The following DACH2 variants were observed in gnomAD, a reference collection of about 807,000 sequenced individuals.
DACH2 encodes the protein dachshund homolog 2.
DACH2 carries 17 observed loss-of-function variants against 35.8 expected under a neutral mutation model. The observed-to-expected ratio is 0.48, with a 90% CI of 0.33 to 0.71. The LOEUF is 0.71. Among genes scored for constraint, DACH2 ranks in the 30% least tolerant of loss-of-function variants. DACH2 has a pLI of 0.02. For missense variants in DACH2, 469 were observed against 472.7 expected (o/e 0.99, Z 0.07); for synonymous variants, 195 against 177.3 (o/e 1.10, Z -0.79).
chrX:86,636,090 G>A (rs1329490072), intron 3 of DACH2, among the ~76,000 whole-genome samples: 4 of 111,172 alleles, frequency 3.6e-5, no homozygotes, highest in Non-Finnish European at 7.5e-5. Flanking sequence ...TAAGTAAAAG[G>A]AACAAAGCTC....
At chrX:86,319,452 T>G (rs2148034629) in intron 1 of DACH2, among the ~76,000 whole-genome samples, 1 of 112,032 alleles carries the variant, frequency 8.9e-6, no homozygotes, top group African/African-American at 3.2e-5. Flanking sequence ...ATGTAAAACC[T>G]GATACGTTGT....
At chrX:86,283,902 A>G (rs914129682) in intron 1 of DACH2, among the ~76,000 whole-genome samples, 5 of 110,870 alleles carry the variant, frequency 4.5e-5, no homozygotes, top group East Asian at 2.8e-4. Flanking sequence ...ACATACACAC[A>G]CACACACATA....
At chrX:86,375,347 GTATAATTATATATAATACATA>G (rs1485823931) in intron 1 of DACH2, among the ~76,000 whole-genome samples, 8 of 98,898 alleles carry the variant, frequency 8.1e-5, no homozygotes, top group African/African-American at 1.8e-4. Context: ...TATTTATATA[GTATAATTATATATAATACATA>G]TATAATTATA....
At chrX:86,396,251 T>C (rs1330299897) in intron 2 of DACH2, among the ~76,000 whole-genome samples, 1 of 107,086 alleles carries the variant, frequency 9.3e-6, no homozygotes, top group African/African-American at 3.4e-5. Flanking sequence ...TTTTTTCTTG[T>C]AAATTTGTTT....
At chrX:86,325,633 A>G (rs1489348994) in intron 1 of DACH2, among the ~76,000 whole-genome samples, 1 of 112,366 alleles carries the variant, frequency 8.9e-6, no homozygotes, top group African/African-American at 3.2e-5. Flanking sequence ...ACTTGATGCA[A>G]TTTTAGTGAG....
intron 1 of DACH2, among the ~76,000 whole-genome samples, chrX:86,315,250 C>T (rs1300727648): frequency 8.9e-6 from 1 of 111,918 alleles, no homozygotes; most frequent in African/African-American, 3.2e-5. Context: ...ACAGACTGCA[C>T]GTTTGTTTAT....
chrX:86,698,547 T>TTTTTTTTTTTTTTTTG (rs1174484010), intron 5 of DACH2, among the ~76,000 whole-genome samples: 1 of 85,040 alleles, frequency 1.2e-5, no homozygotes, highest in Non-Finnish European at 2.3e-5. Flanking sequence ...TTTTTTTTTT[T>TTTTTTTTTTTTTTTTG]TACAGGGTCT....
At chrX:86,286,621 C>A (rs781684529) in intron 1 of DACH2, among the ~76,000 whole-genome samples, 2 of 110,454 alleles carry the variant, frequency 1.8e-5, no homozygotes, top group Non-Finnish European at 3.8e-5. Flanking sequence ...ATTTTGGACC[C>A]CTTGTATTTT....
chrX:86,543,848 G>T (rs1363626716), intron 3 of DACH2, among the ~76,000 whole-genome samples: 4 of 72,693 alleles, frequency 5.5e-5, no homozygotes, highest in African/African-American at 2.1e-4. Flanking sequence ...GGTGGGGGGA[G>T]GGGGGAGGGA....
At chrX:86,238,575 C>T (rs2033102253) in intron 1 of DACH2, among the ~76,000 whole-genome samples, 1 of 111,420 alleles carries the variant, frequency 9.0e-6, no homozygotes, top group African/African-American at 3.3e-5. Context: ...ATTTATTCAA[C>T]TGCTTCAACA....
chrX:86,507,691 G>A (rs747158145), intron 2 of DACH2, among the ~76,000 whole-genome samples: 17 of 111,742 alleles, frequency 1.5e-4, no homozygotes, highest in African/African-American at 5.5e-4. Flanking sequence ...ATATATTGGA[G>A]CAGGTTACCA....
At chrX:86,218,186 T>G (rs987557528) in intron 1 of DACH2, among the ~76,000 whole-genome samples, 4 of 111,828 alleles carry the variant, frequency 3.6e-5, no homozygotes, top group Admixed American at 2.9e-4. Context: ...ACTATGTTAG[T>G]GTGTAAAGCA....
At chrX:86,376,129 A>T (rs1214938286) in intron 1 of DACH2, among the ~76,000 whole-genome samples, 4 of 102,321 alleles carry the variant, frequency 3.9e-5, no homozygotes, top group African/African-American at 1.1e-4. Context: ...GTGTGGATGT[A>T]TGTATGACTG....
At position 86,672,996 on chromosome X, in the gene DACH2, G is replaced by A. The variant is rs925201138; in HGVS notation, c.772+21829G>A. Among the ~76,000 whole-genome samples, 121 of 112,027 alleles carry A rather than the reference G, an allele frequency of 1.1e-3. 1 individual carries two copies. Among genetic ancestry groups the A allele is most frequent in the African/African-American group, 3.4e-3 (106 of 30,858 alleles). On this transcript the variant is annotated intron_variant, in intron 4 of 11. Transcript: ENST00000373125. The stretch of plus-strand genomic sequence containing the variant: ...GAACTTCCCAAGGTCTTGGAAGCTC[G>A]CCCCCTTGCATAAGTGTGGTCTGGA...
At chrX:86,453,640 G>GT (rs1377139879) in intron 2 of DACH2, among the ~76,000 whole-genome samples, 2 of 110,894 alleles carry the variant, frequency 1.8e-5, no homozygotes, top group African/African-American at 6.6e-5. Flanking sequence ...TGTAACCCCT[G>GT]TTTTTTTCTG....
At chrX:86,390,356 T>G (rs2036182330) in intron 2 of DACH2, among the ~76,000 whole-genome samples, 1 of 111,366 alleles carries the variant, frequency 9.0e-6, no homozygotes, top group South Asian at 3.8e-4. Flanking sequence ...GATAATATCC[T>G]TATACAGGAG....
At chrX:86,739,067 T>A (rs2041626527) in intron 6 of DACH2, among the ~76,000 whole-genome samples, 1 of 110,169 alleles carries the variant, frequency 9.1e-6, no homozygotes, top group African/African-American at 3.3e-5. Flanking sequence ...AGAGACGCGG[T>A]TTCACCATTT....
intron 1 of DACH2, among the ~76,000 whole-genome samples, chrX:86,197,993 A>G (rs991517558): frequency 2.7e-5 from 3 of 112,052 alleles, no homozygotes; most frequent in Admixed American, 9.5e-5. Context: ...CATACTCTAA[A>G]ATTGATCACG....
At chrX:86,292,961 G>T (rs1369694320) in intron 1 of DACH2, among the ~76,000 whole-genome samples, 1 of 100,721 alleles carries the variant, frequency 9.9e-6, no homozygotes, top group African/African-American at 3.7e-5. Context: ...GAAGAGCTGA[G>T]TTTAATTCCT....
Sources: gnomAD v4.1 joint callset for allele counts (sites outside exome capture counted in the v4.1 genomes callset) on GRCh38, gnomAD v4.1.1 for gene constraint, MANE v1.5 for transcripts, NCBI Gene and HGNC (gene_info 2026-07-23, HGNC 2026-07-21) for gene names.